ASTN2: variants seen among roughly 807,000 people sequenced by gnomAD.
ASTN2 encodes the protein astrotactin 2, also known as astrotactin-2.
In ASTN2, 54 loss-of-function variants were observed where a neutral mutation model predicts 139.8. That is an observed-to-expected ratio of 0.39 (90% CI 0.31 to 0.48). The LOEUF (loss-of-function observed/expected upper bound fraction) is 0.48, where lower values mean the gene tolerates loss of function less well. ASTN2 is among the 20% of genes least tolerant of loss of function. The pLI, the probability that ASTN2 is intolerant of heterozygous loss-of-function variation, is 0.95. For synonymous variants in ASTN2, 756 were observed against 719.5 expected (o/e 1.05, Z -0.81); for missense variants, 1,565 against 1,725.1 (o/e 0.91, Z 1.64).
chr9:117,292,860 A>G (rs951542985), intron 1 of ASTN2, among the ~76,000 whole-genome samples: 3 of 152,188 alleles, frequency 2.0e-5, no homozygotes, highest in African/African-American at 7.2e-5. Flanking sequence ...AGATGATACT[A>G]CCAAATCACT....
chr9:116,477,297 C>T (rs866852430), intron 20 of ASTN2, among the ~76,000 whole-genome samples: 1 of 152,102 alleles, frequency 6.6e-6, no homozygotes, highest in Non-Finnish European at 1.5e-5. Flanking sequence ...CTCTCCCAGG[C>T]CCCAACTGTG....
At chr9:116,809,156 A>G (rs112545234) in intron 12 of ASTN2, among the ~76,000 whole-genome samples, 6 of 152,080 alleles carry the variant, frequency 3.9e-5, no homozygotes, top group African/African-American at 1.4e-4. Flanking sequence ...AATTTGTGCA[A>G]TGTTTAGAAA....
intron 19 of ASTN2, among the ~76,000 whole-genome samples, chr9:116,606,551 G>C (rs763272057): frequency 3.3e-5 from 5 of 152,188 alleles, no homozygotes; most frequent in Non-Finnish European, 7.3e-5. Context: ...CAAAAATTCA[G>C]AGAGATCAAA....
chr9:117,406,302 G>A (rs1055371509), intron 1 of ASTN2, among the ~76,000 whole-genome samples: 4 of 152,168 alleles, frequency 2.6e-5, no homozygotes, highest in Non-Finnish European at 4.4e-5. Flanking sequence ...TGCACCCATC[G>A]TTGGTCCTGT....
At chr9:116,498,502 G>A (rs1458672135) in intron 19 of ASTN2, among the ~76,000 whole-genome samples, 1 of 152,058 alleles carries the variant, frequency 6.6e-6, no homozygotes, top group African/African-American at 2.4e-5. Flanking sequence ...AGAGGCTGAA[G>A]TGGAAGGATC....
intron 17 of ASTN2, among the ~76,000 whole-genome samples, chr9:116,631,931 T>G (rs112965656): frequency 0.15 from 22,711 of 151,426 alleles, 1,808 homozygotes; most frequent in Middle Eastern, 0.21. Flanking sequence ...CTGGCCAACA[T>G]AGTGAAACCC....
intron 1 of ASTN2, among the ~76,000 whole-genome samples, chr9:117,333,371 G>GA (rs921143878): frequency 1.3e-5 from 2 of 151,646 alleles, no homozygotes; most frequent in African/African-American, 2.4e-5. Flanking sequence ...TAATTTAGAG[G>GA]AAAAAAAACC....
intron 6 of ASTN2, among the ~76,000 whole-genome samples, chr9:117,021,329 A>G (rs2132615708): frequency 6.6e-6 from 1 of 152,262 alleles, no homozygotes; most frequent in South Asian, 2.1e-4. Flanking sequence ...GAGTGTATTT[A>G]TGCTTTTGCT....
At chr9:116,870,281 C>T (rs562425960) in intron 10 of ASTN2, among the ~76,000 whole-genome samples, 1 of 152,312 alleles carries the variant, frequency 6.6e-6, no homozygotes, top group African/African-American at 2.4e-5. Flanking sequence ...CTACATGAAT[C>T]TTCTGAAACT....
chr9:116,714,433 A>G (rs1828257156), intron 16 of ASTN2, among the ~76,000 whole-genome samples: 1 of 152,208 alleles, frequency 6.6e-6, no homozygotes, highest in Non-Finnish European at 1.5e-5. Flanking sequence ...TGGCTTAATT[A>G]TGTCTCATGA....
At chr9:116,474,736 ATCT>A (rs1848923223) in intron 20 of ASTN2, among the ~76,000 whole-genome samples, 1 of 152,190 alleles carries the variant, frequency 6.6e-6, no homozygotes, top group Non-Finnish European at 1.5e-5. Flanking sequence ...GAACTTCTCT[ATCT>A]GAGCCCCTCA....
At chr9:117,050,302 C>G (rs898625644) in intron 5 of ASTN2, among the ~76,000 whole-genome samples, 4 of 152,152 alleles carry the variant, frequency 2.6e-5, no homozygotes, top group Admixed American at 1.3e-4. Flanking sequence ...TTGAAAGTCC[C>G]TGTTCCATTA....
At chr9:116,714,798 G>GATGTAAATGTTTTTCCA (rs1828268801) in intron 16 of ASTN2, among the ~76,000 whole-genome samples, 1 of 61,892 alleles carries the variant, frequency 1.6e-5, no homozygotes, top group Non-Finnish European at 3.3e-5. Flanking sequence ...AATCATGTGA[G>GATGTAAATGTTTTTCCA]GCCGGGCGCG....
chr9:116,783,960 A>G (rs1830292811), intron 13 of ASTN2, among the ~76,000 whole-genome samples: 1 of 152,228 alleles, frequency 6.6e-6, no homozygotes, highest in Admixed American at 6.5e-5. Context: ...TCAAGAGTCA[A>G]GTTAAGCAGG....
At position 116,440,664 on chromosome 9, in the gene ASTN2, G is replaced by A; in HGVS notation, c.3727C>T (p.His1243Tyr). ...ACGAAGTCGCCAAACTTTTCATAGT[G>A]AGAGTTGTAGTGGTGCTGGACTCGG... ...LFRVQHHYNS[H>Y]YEKFGDFVWR... The change falls in exon 22 of 23, where the codon CAC (histidine) becomes TAC (tyrosine). Residue 1243 changes from histidine to tyrosine, a missense_variant. His to Tyr is a moderately conservative substitution (Grantham distance 83, BLOSUM62 2). Coordinates refer to ENST00000313400, the MANE Select transcript of ASTN2 (RefSeq NM_001365068.1). 6.2e-7 allele frequency: 1 copy of A among 1,614,178 alleles called. No individual in the cohort carries two copies. Among genetic ancestry groups the A allele is most frequent in the Non-Finnish European group, 8.5e-7 (1 of 1,180,042 alleles).
chr9:116,792,799 G>A (rs1468451521), intron 13 of ASTN2, among the ~76,000 whole-genome samples: 2 of 152,136 alleles, frequency 1.3e-5, no homozygotes, highest in African/African-American at 2.4e-5. Context: ...CTGGCAAATG[G>A]AGGAACAACA....
chr9:116,744,850 G>A (rs1329455740), intron 13 of ASTN2, among the ~76,000 whole-genome samples: 1 of 152,178 alleles, frequency 6.6e-6, no homozygotes, highest in Non-Finnish European at 1.5e-5. Flanking sequence ...GCCTCTGCTA[G>A]CTGTCAGTCC....
chr9:116,666,254 T>G (rs1858855150), intron 16 of ASTN2, among the ~76,000 whole-genome samples: 1 of 152,218 alleles, frequency 6.6e-6, no homozygotes, highest in Non-Finnish European at 1.5e-5. Context: ...TTCTCTAAGA[T>G]GTACATGGCA....
At chr9:117,399,299 T>A (rs1207645998) in intron 1 of ASTN2, among the ~76,000 whole-genome samples, 2 of 152,150 alleles carry the variant, frequency 1.3e-5, no homozygotes, top group Non-Finnish European at 1.5e-5. Flanking sequence ...AGGAAAGTCA[T>A]CTTAGAAGGA....
Sources: gnomAD v4.1 joint callset for allele counts (sites outside exome capture counted in the v4.1 genomes callset) on GRCh38, gnomAD v4.1.1 for gene constraint, MANE v1.5 for transcripts, NCBI Gene and HGNC (gene_info 2026-07-23, HGNC 2026-07-21) for gene names.